The following MYPN variants were observed in gnomAD, a reference collection of about 807,000 sequenced individuals.
The protein encoded by MYPN is myopalladin, also known as sarcomeric protein myopalladin, 145 kDa (MYOP).
MYPN carries 63 observed loss-of-function variants against 129.4 expected under a neutral mutation model. That is an observed-to-expected ratio of 0.49 (90% CI 0.40 to 0.60). MYPN has a LOEUF of 0.60. Ranked by LOEUF, MYPN falls within the 20% of genes least tolerant of loss-of-function variation. MYPN has a pLI of 0.00. For synonymous variants in MYPN, 629 were observed against 600.9 expected (o/e 1.05, Z -0.68); for missense variants, 1,596 against 1,635.4 (o/e 0.98, Z 0.42).
chr10:68,094,007 G>A (rs182758249), intron 1 of MYPN, among the ~76,000 whole-genome samples: 9 of 152,214 alleles, frequency 5.9e-5, no homozygotes, highest in Non-Finnish European at 1.0e-4. Context: ...TGGTGAGTGG[G>A]AGTGTCTTTT....
intron 8 of MYPN, 171 bp from the exon 9 acceptor site, chr10:68,165,531 C>A (rs776699646): frequency 3.7e-5 from 26 of 695,484 alleles, no homozygotes; most frequent in Non-Finnish European, 7.9e-6. Context: ...ACTCATTTTG[C>A]CTACTAATCA....
At chr10:68,143,280 T>A (rs2042606264) in intron 3 of MYPN, among the ~76,000 whole-genome samples, 165 bp downstream of exon 3, 1 of 152,150 alleles carries the variant, frequency 6.6e-6, no homozygotes, top group Non-Finnish European at 1.5e-5. Context: ...ACTGATAATT[T>A]ACATTATATG....
chr10:68,131,676 C>G (rs2042413722), intron 2 of MYPN, among the ~76,000 whole-genome samples: 1 of 152,066 alleles, frequency 6.6e-6, no homozygotes, highest in African/African-American at 2.4e-5. Context: ...ACTATGCCAG[C>G]CTTCATAGGC....
chr10:68,141,735 T>G (rs1388225305), intron 2 of MYPN, among the ~76,000 whole-genome samples: 1 of 152,160 alleles, frequency 6.6e-6, no homozygotes, highest in Non-Finnish European at 1.5e-5. Flanking sequence ...TGTAAGGTCA[T>G]TTTCACAAGT....
intron 2 of MYPN, among the ~76,000 whole-genome samples, chr10:68,141,152 C>T (rs567304434): frequency 2.6e-5 from 4 of 152,126 alleles, no homozygotes; most frequent in Non-Finnish European, 4.4e-5. Context: ...GGGTGGATCA[C>T]GAGGTCAAGA....
chr10:68,179,355 A>G (rs553018361), intron 12 of MYPN, among the ~76,000 whole-genome samples: 1 of 152,214 alleles, frequency 6.6e-6, no homozygotes, highest in Admixed American at 6.5e-5. Context: ...ATGGACCCAC[A>G]CAGAATGCAC....
At chr10:68,163,830 T>C (rs2043015637) in intron 8 of MYPN, among the ~76,000 whole-genome samples, 1 of 152,146 alleles carries the variant, frequency 6.6e-6, no homozygotes, top group African/African-American at 2.4e-5. Context: ...GATTAATGCT[T>C]AACTATATTT....
At chr10:68,196,516 C>T (rs970713636) in intron 15 of MYPN, among the ~76,000 whole-genome samples, 1 of 88,098 alleles carries the variant, frequency 1.1e-5, no homozygotes. Context: ...GGGGGTCTCA[C>T]TCTGTCACCC....
chr10:68,134,814 TAATTA>T (rs916962453), intron 2 of MYPN, among the ~76,000 whole-genome samples: 14 of 151,988 alleles, frequency 9.2e-5, no homozygotes, highest in Non-Finnish European at 1.3e-4. Context: ...ATTAATTAAT[TAATTA>T]AATTAAATTA....
chr10:68,183,478 T>A (rs2043372177), intron 12 of MYPN, among the ~76,000 whole-genome samples: 1 of 151,390 alleles, frequency 6.6e-6, no homozygotes, highest in South Asian at 2.1e-4. Context: ...AAAAATTATT[T>A]GGAAAAAAAA....
chr10:68,182,479 C>CACAA (rs2043351557), intron 12 of MYPN, among the ~76,000 whole-genome samples: 1 of 137,892 alleles, frequency 7.3e-6, no homozygotes, highest in African/African-American at 2.9e-5. Context: ...TATACACACA[C>CACAA]ACACACACAC....
intron 12 of MYPN, among the ~76,000 whole-genome samples, chr10:68,177,220 G>A (rs1219726243): frequency 1.3e-5 from 2 of 152,194 alleles, no homozygotes; most frequent in Non-Finnish European, 2.9e-5. Flanking sequence ...CATAAACCCA[G>A]TAGAAATCTC....
At chr10:68,122,925 A>AT (rs1193566669) in intron 2 of MYPN, among the ~76,000 whole-genome samples, 1 of 152,042 alleles carries the variant, frequency 6.6e-6, no homozygotes, top group African/African-American at 2.4e-5. Context: ...ATAAAATAAA[A>AT]TAAAATAAAA....
At chr10:68,107,346 T>C (rs966742521), upstream of MYPN, among the ~76,000 whole-genome samples, 74 of 147,722 alleles carry the variant, frequency 5.0e-4, no homozygotes, top group South Asian at 8.2e-3. Flanking sequence ...CTTTTCTTTT[T>C]TTTTTTTTTT....
intron 12 of MYPN, among the ~76,000 whole-genome samples, chr10:68,185,286 G>C (rs1306543094): frequency 1.3e-5 from 2 of 151,952 alleles, no homozygotes; most frequent in Non-Finnish European, 2.9e-5. Flanking sequence ...AAAGAAACTG[G>C]GACTTCTGCT....
chr10:68,128,546 C>G (rs985467627), intron 2 of MYPN, among the ~76,000 whole-genome samples: 1 of 151,972 alleles, frequency 6.6e-6, no homozygotes, highest in Admixed American at 6.6e-5. Context: ...TTATGTGCCC[C>G]ATACTGTTGT....
chr10:68,108,470 A>T (rs890097209), upstream of MYPN, among the ~76,000 whole-genome samples: 10 of 152,362 alleles, frequency 6.6e-5, no homozygotes, highest in Admixed American at 2.6e-4. Flanking sequence ...GAAAATAATT[A>T]TCAAATGAAT....
Position 68,193,267 on chromosome 10 carries a change from T to TA in MYPN, c.2926-1087dup, listed in dbSNP as rs1177065078. On this transcript the variant is annotated intron_variant, in intron 13 of 19. Transcript: ENST00000358913. ...TTAGCAAAGCCCAGATAATTTCACT[T>TA]AAAAAAAAACCCCATCAGGAATGAG... 1.5e-4 allele frequency among the ~76,000 whole-genome samples: 23 copies of TA among 151,356 alleles called. No individual in the cohort carries two copies. The South Asian group carries it at 1.9e-3, about 12-fold the overall frequency.
chr10:68,199,227 G>A (rs923000240), intron 16 of MYPN, 141 bp from the exon 17 acceptor site: 14 of 794,550 alleles, frequency 1.8e-5, no homozygotes, highest in East Asian at 2.7e-5. Flanking sequence ...CGTTTCTCTC[G>A]ATGCCCCTAC....
Sources: gnomAD v4.1 joint callset for allele counts (sites outside exome capture counted in the v4.1 genomes callset) on GRCh38, gnomAD v4.1.1 for gene constraint, MANE v1.5 for transcripts, NCBI Gene and HGNC (gene_info 2026-07-23, HGNC 2026-07-21) for gene names.